Variants in KLHDC4 observed in about 807,000 individuals in gnomAD.
KLHDC4 encodes kelch domain containing 4.
Under a neutral mutation model 62.4 loss-of-function variants are expected in KLHDC4, and 90 were observed. The observed-to-expected ratio is 1.44, with a 90% CI of 1.22 to 1.72. The LOEUF (loss-of-function observed/expected upper bound fraction) is 1.72, where lower values mean the gene tolerates loss of function less well. Among genes scored for constraint, KLHDC4 ranks in the 40% most tolerant of loss-of-function variants. KLHDC4 has a pLI of 0.00. For synonymous variants in KLHDC4, 386 were observed against 284.4 expected (o/e 1.36, Z -3.59); for missense variants, 1,025 against 699.7 (o/e 1.47, Z -5.25).
At position 87,722,304 on chromosome 16, in the gene KLHDC4, A is replaced by G. The variant is rs887582960; in HGVS notation, c.759+4461T>C. 2.6e-5 allele frequency among the ~76,000 whole-genome samples: 4 copies of G among 152,280 alleles called. 1 individual carries two copies. In the East Asian group the frequency reaches 5.8e-4, roughly 22 times the overall value. ...CTGGAGGGTGTTTAAAGTCCTCCCA[A>G]GGCTACTCAGATGCATCTCCTGAGG... On this transcript the variant is annotated intron_variant, in intron 7 of 11. Transcript: ENST00000270583.
intron 7 of KLHDC4, among the ~76,000 whole-genome samples, chr16:87,715,960 C>G (rs141015810): frequency 6.6e-6 from 1 of 152,136 alleles, no homozygotes; most frequent in Non-Finnish European, 1.5e-5. Context: ...GCTTTGGGCA[C>G]GCTCTGTGTC....
rs551772854 is a variant in KLHDC4, at chr16:87,736,326, G to A, written c.507-5682C>T. 3.3e-5 allele frequency among the ~76,000 whole-genome samples: 5 copies of A among 152,310 alleles called. No individual in the cohort carries two copies. In the South Asian group the frequency reaches 6.2e-4, roughly 19 times the overall value. On this transcript the variant is annotated intron_variant, in intron 5 of 11. Transcript: ENST00000270583. ...GTCTGATCATCTTAGCGGACCACCA[G>A]TATGTATGGTCCGTCGTGAACAGAA...
intron 5 of KLHDC4, among the ~76,000 whole-genome samples, chr16:87,733,283 G>C (rs569747295): frequency 6.6e-6 from 1 of 152,370 alleles, no homozygotes; most frequent in South Asian, 2.1e-4. Flanking sequence ...GAGCAGGCGT[G>C]ACTTTCACAA....
rs185665946 is a variant in KLHDC4 at position 87,708,192 on chromosome 16, A to G, written c.*2-117T>C. On this transcript the variant is annotated intron_variant, in intron 11 of 11. Transcript: ENST00000270583. ...GGGAAGACCTCATCAAAGAGCCCAC[A>G]GGCACACGGCACTCATTAGCAAGCT... The G allele has an allele frequency of 3.0e-3, 1,884 of 620,676 alleles. 35 individuals carry two copies. Among genetic ancestry groups the G allele is most frequent in the Non-Finnish European group, 9.0e-4 (312 of 346,536 alleles). 38.4% of individuals were successfully genotyped at this position (620,676 alleles called of 1,614,324 possible).
chr16:87,740,237 C>A (rs1218276208), intron 5 of KLHDC4, among the ~76,000 whole-genome samples: 1 of 152,168 alleles, frequency 6.6e-6, no homozygotes, highest in Non-Finnish European at 1.5e-5. Context: ...GCAGGGCAGG[C>A]CCACCGTGAC....
chr16:87,726,905 C>A lies in KLHDC4; in HGVS notation c.619G>T (p.Asp207Tyr), dbSNP rs1555569370. ...ESTRDYIYYN[D>Y]VYAFNLDTFT... is the part of the protein sequence containing the mutation. ...GTGTCCAGATTAAAGGCATACACGT[C>A]GTTGTAGTAGATGTAATCCCTGGTT... The change falls in exon 7 of 12, where the codon GAC becomes TAC. Residue 207 changes from aspartate (D) to tyrosine (Y), a missense_variant. Coordinates refer to ENST00000270583, the MANE Select transcript of KLHDC4 (RefSeq NM_017566.4). 8.7e-6 allele frequency: 14 copies of A among 1,613,930 alleles called. No homozygotes were observed. The South Asian group carries it at 1.3e-4, about 15-fold the overall frequency.
At chr16:87,735,797 G>A (rs1295738285) in intron 5 of KLHDC4, among the ~76,000 whole-genome samples, 1 of 152,206 alleles carries the variant, frequency 6.6e-6, no homozygotes, top group Non-Finnish European at 1.5e-5. Flanking sequence ...GAATGTCGTG[G>A]TGGCGGCTGC....
intron 5 of KLHDC4, among the ~76,000 whole-genome samples, chr16:87,743,416 A>C (rs1391074510): frequency 3.9e-5 from 6 of 152,084 alleles, no homozygotes; most frequent in Non-Finnish European, 8.8e-5. Context: ...ATTCTACTTC[A>C]GGCCATTTTA....
chr16:87,762,424 C>A lies in KLHDC4; in HGVS notation c.100-384G>T, dbSNP rs1455326122. ...GCAGAGCAGTGTCTGACAAGAACTT[C>A]CACTTAGACAAGCCCATCGTGACTT... On this transcript the variant is annotated intron_variant, in intron 1 of 11. Coordinates refer to ENST00000270583, the MANE Select transcript of KLHDC4 (RefSeq NM_017566.4). 2.0e-5 allele frequency among the ~76,000 whole-genome samples: 3 copies of A among 152,184 alleles called. No homozygotes were observed. In the East Asian group the frequency reaches 5.8e-4, roughly 29 times the overall value.
chr16:87,765,365 G>A (rs1597456956), intron 1 of KLHDC4: 1 of 462,452 alleles, frequency 2.2e-6, no homozygotes, highest in South Asian at 1.5e-5. Flanking sequence ...GTAAGGTTCA[G>A]AAAAGTTAAG....
At chr16:87,724,237 G>A (rs1025909957) in intron 7 of KLHDC4, among the ~76,000 whole-genome samples, 2 of 152,060 alleles carry the variant, frequency 1.3e-5, no homozygotes, top group African/African-American at 4.8e-5. Context: ...AATTAGTCCC[G>A]GGCAGATCAC....
intron 6 of KLHDC4, among the ~76,000 whole-genome samples, chr16:87,728,899 C>T (rs1036774564): frequency 1.3e-5 from 2 of 152,078 alleles, no homozygotes; most frequent in Non-Finnish European, 2.9e-5. Context: ...ATCAGCCTCC[C>T]GAGTGCCTGG....
At chr16:87,744,864 TGCACACACACGA>T (rs376412843) in intron 5 of KLHDC4, among the ~76,000 whole-genome samples, 13 of 152,250 alleles carry the variant, frequency 8.5e-5, no homozygotes, top group African/African-American at 2.4e-4. Flanking sequence ...CACTTGCAAG[TGCACACACACGA>T]GCACACACAC....
chr16:87,705,590 GTC>G (rs1597342455), downstream of KLHDC4, among the ~76,000 whole-genome samples: 1 of 152,226 alleles, frequency 6.6e-6, no homozygotes, highest in East Asian at 1.9e-4. Context: ...TGATTCAAAA[GTC>G]TCTTTTTCCT....
At chr16:87,761,402 G>A (rs189446956) in intron 2 of KLHDC4, among the ~76,000 whole-genome samples, 1 of 152,284 alleles carries the variant, frequency 6.6e-6, no homozygotes, top group Admixed American at 6.5e-5. Context: ...GGTAAATCCT[G>A]CAAGGTTAAT....
chr16:87,728,646 G>C (rs1421422414), intron 6 of KLHDC4, among the ~76,000 whole-genome samples: 1 of 152,132 alleles, frequency 6.6e-6, no homozygotes, highest in Non-Finnish European at 1.5e-5. Context: ...ACAAACTTAT[G>C]TGTGCATTCT....
rs8056047 is a variant in KLHDC4 at position 87,762,537 on chromosome 16, T to C, written c.100-497A>G. Among the ~76,000 whole-genome samples, 190 of 152,372 alleles carry C rather than the reference T, an allele frequency of 1.2e-3. 1 individual carries two copies. The highest frequency in any genetic ancestry group is 4.5e-3 in the African/African-American group (189 of 41,592). ...CCTGTCTGCTGAGCAGTGTCTGATATATTTCTCTTGCTTATTTGTTTCCTC... is the reference window on the plus strand; with the variant it reads ...CCTGTCTGCTGAGCAGTGTCTGATACATTTCTCTTGCTTATTTGTTTCCTC... On this transcript the variant is annotated intron_variant, in intron 1 of 11. Transcript: ENST00000270583.
intron 5 of KLHDC4, among the ~76,000 whole-genome samples, chr16:87,735,666 C>G (rs933503428): frequency 6.6e-6 from 1 of 152,242 alleles, no homozygotes; most frequent in Non-Finnish European, 1.5e-5. Context: ...CTTTAAAAAG[C>G]CCATTTATAT....
In KLHDC4 at chr16:87,716,747, C is replaced by A. The variant is rs367732373; in HGVS notation, c.760-2174G>T. Among the ~76,000 whole-genome samples, 23 of 152,078 alleles carry A rather than the reference C, an allele frequency of 1.5e-4. No individual in the cohort carries two copies. The East Asian group carries it at 2.1e-3, about 14-fold the overall frequency. On this transcript the variant is annotated intron_variant, in intron 7 of 11. Coordinates refer to ENST00000270583, the MANE Select transcript of KLHDC4 (RefSeq NM_017566.4). ...AGATCAAGACTAATCCTGGCTAACA[C>A]GATGAAACCCCATCTCTACGAAAAA... is the stretch of plus-strand genomic sequence containing the variant.
Sources: allele counts gnomAD v4.1 joint callset (sites outside exome capture counted in the v4.1 genomes callset), GRCh38; gene constraint gnomAD v4.1.1; transcripts MANE v1.5; gene names NCBI Gene and HGNC (gene_info 2026-07-23, HGNC 2026-07-21).